The following GRB10 variants were observed in gnomAD, a reference collection of about 807,000 sequenced individuals.
GRB10 encodes growth factor receptor-bound protein 10.
GRB10 carries 20 observed loss-of-function variants against 80.9 expected under a neutral mutation model. The observed-to-expected ratio is 0.25, with a 90% CI of 0.17 to 0.36. The LOEUF (loss-of-function observed/expected upper bound fraction) is 0.36. Ranked by LOEUF, GRB10 falls within the 10% of genes least tolerant of loss-of-function variation. The probability of loss-of-function intolerance (pLI) is 1.00; values close to 1 mark genes in which losing one functional copy is unlikely to be tolerated. For synonymous variants in GRB10, 291 were observed against 291.5 expected (o/e 1.00, Z 0.02); for missense variants, 548 against 747.7 (o/e 0.73, Z 3.12).
At chr7:50,777,704 G>GT (rs1313997843) in intron 2 of GRB10, among the ~76,000 whole-genome samples, 1 of 152,060 alleles carries the variant, frequency 6.6e-6, no homozygotes, top group East Asian at 1.9e-4. Context: ...AGAAAATGTG[G>GT]TACATATACA....
At chr7:50,740,751 C>T (rs1470652907) in intron 3 of GRB10, among the ~76,000 whole-genome samples, 2 of 150,824 alleles carry the variant, frequency 1.3e-5, no homozygotes, top group African/African-American at 4.9e-5. Context: ...CAATTTGCAA[C>T]AGAAGAGAGA....
chr7:50,620,317 C>T (rs1223352456), intron 8 of GRB10, among the ~76,000 whole-genome samples: 1 of 152,202 alleles, frequency 6.6e-6, no homozygotes, highest in Non-Finnish European at 1.5e-5. Context: ...ACCCTACCCT[C>T]CTCTCCTGCA....
chr7:50,606,222 A>G (rs1441842324), intron 14 of GRB10, 115 bp downstream of exon 14: 4 of 875,784 alleles, frequency 4.6e-6, no homozygotes, highest in Non-Finnish European at 7.9e-6. Context: ...CCTGAAATGC[A>G]CACACACTCT....
chr7:50,714,322 G>C (rs1462611479), intron 4 of GRB10, among the ~76,000 whole-genome samples: 2 of 152,102 alleles, frequency 1.3e-5, no homozygotes, highest in Non-Finnish European at 2.9e-5. Context: ...TACCACAAGA[G>C]GATCAGTGAC....
intron 13 of GRB10, among the ~76,000 whole-genome samples, chr7:50,609,574 G>T (rs1039511970): frequency 5.3e-5 from 8 of 152,162 alleles, no homozygotes. Context: ...TGTTGCAAAG[G>T]TTTAATGCTG....
chr7:50,721,163 C>T (rs1213877435), intron 4 of GRB10, among the ~76,000 whole-genome samples: 1 of 152,256 alleles, frequency 6.6e-6, no homozygotes, highest in Non-Finnish European at 1.5e-5. Flanking sequence ...CCCCCTTATC[C>T]TGGTTTTACT....
At chr7:50,746,833 G>A (rs576832076) in intron 3 of GRB10, among the ~76,000 whole-genome samples, 56 of 152,008 alleles carry the variant, frequency 3.7e-4, no homozygotes, top group Non-Finnish European at 6.2e-4. Context: ...CTGTCCCTGC[G>A]TGAGCCATTC....
chr7:50,780,842 A>G (rs1562706400), intron 1 of GRB10, 106 bp from the exon 2 acceptor site: 1 of 152,192 alleles, frequency 6.6e-6, no homozygotes, highest in Non-Finnish European at 1.5e-5. Context: ...GTGGGAACAC[A>G]AGTGTCAGTG....
At chr7:50,621,581 T>C (rs1348628491) in intron 8 of GRB10, among the ~76,000 whole-genome samples, 1 of 152,216 alleles carries the variant, frequency 6.6e-6, no homozygotes, top group East Asian at 1.9e-4. Context: ...AGTGTTCCAG[T>C]TGGCCATCGA....
At chr7:50,719,243 G>A (rs974813352) in intron 4 of GRB10, among the ~76,000 whole-genome samples, 27 of 152,214 alleles carry the variant, frequency 1.8e-4, no homozygotes, top group African/African-American at 6.5e-4. Context: ...GTCCAAAAGT[G>A]AAGACTGCAA....
intron 1 of GRB10, among the ~76,000 whole-genome samples, chr7:50,791,804 T>G (rs2078928219): frequency 6.6e-6 from 1 of 152,240 alleles, no homozygotes. Flanking sequence ...GAGTTTTGAT[T>G]TTTAAGAGAA....
chr7:50,724,611 G>A (rs1277858516), intron 4 of GRB10, among the ~76,000 whole-genome samples: 2 of 152,202 alleles, frequency 1.3e-5, no homozygotes, highest in Non-Finnish European at 2.9e-5. Context: ...CATCTGAAGT[G>A]TTGATTAGTT....
At chr7:50,690,325 AAAACAG>A (rs2062661203) in intron 5 of GRB10, among the ~76,000 whole-genome samples, 1 of 132,734 alleles carries the variant, frequency 7.5e-6, no homozygotes, top group Non-Finnish European at 1.5e-5. Flanking sequence ...ACAAACAAAA[AAAACAG>A]AAAAAAAAGA....
intron 5 of GRB10, among the ~76,000 whole-genome samples, chr7:50,690,840 GCCAAAGGGGA>G (rs1245997924): frequency 6.6e-6 from 1 of 152,228 alleles, no homozygotes; most frequent in Non-Finnish European, 1.5e-5. Context: ...CCAATTATCT[GCCAAAGGGGA>G]CCAGACAAAA....
intron 7 of GRB10, among the ~76,000 whole-genome samples, chr7:50,633,107 G>T (rs763014688): frequency 9.2e-5 from 14 of 152,200 alleles, no homozygotes; most frequent in Non-Finnish European, 1.8e-4. Flanking sequence ...CTACTGGCCT[G>T]TAGGGTGAAC....
At chr7:50,754,293 T>C (rs1327841235) in intron 3 of GRB10, among the ~76,000 whole-genome samples, 5 of 152,226 alleles carry the variant, frequency 3.3e-5, no homozygotes, top group Non-Finnish European at 5.9e-5. Flanking sequence ...AGCGTGGCTT[T>C]TTCTCTGACC....
At chr7:50,622,765 G>C (rs542124705) in intron 8 of GRB10, among the ~76,000 whole-genome samples, 2 of 151,052 alleles carry the variant, frequency 1.3e-5, no homozygotes, top group African/African-American at 2.4e-5. Context: ...GTTTAAATTT[G>C]TATTTTTCAA....
At chr7:50,729,031 T>G (rs2069164051) in intron 4 of GRB10, among the ~76,000 whole-genome samples, 1 of 151,454 alleles carries the variant, frequency 6.6e-6, no homozygotes, top group African/African-American at 2.4e-5. Flanking sequence ...ACTAGAAGAG[T>G]AGGTTCCCCG....
intron 4 of GRB10, among the ~76,000 whole-genome samples, chr7:50,708,322 G>A (rs1292635397): frequency 6.6e-6 from 1 of 152,202 alleles, no homozygotes; most frequent in Admixed American, 6.5e-5. Context: ...CAGACATGAA[G>A]TCTGTTGTCT....
Sources: gnomAD v4.1 joint callset for allele counts (sites outside exome capture counted in the v4.1 genomes callset) on GRCh38, gnomAD v4.1.1 for gene constraint, MANE v1.5 for transcripts, NCBI Gene and HGNC (gene_info 2026-07-23, HGNC 2026-07-21) for gene names.